The following HS2ST1 variants were observed in gnomAD, a reference collection of about 807,000 sequenced individuals.
HS2ST1 encodes the protein 2-O-sulfotransferase.
HS2ST1 carries 18 observed loss-of-function variants against 42.9 expected under a neutral mutation model. The ratio of observed to expected loss-of-function variants is 0.42; its 90% confidence interval spans 0.29 to 0.62. The LOEUF (loss-of-function observed/expected upper bound fraction) is 0.62, where lower values mean the gene tolerates loss of function less well. HS2ST1 is among the 20% of genes least tolerant of loss of function. The pLI, the probability that HS2ST1 is intolerant of heterozygous loss-of-function variation, is 0.21. For missense variants in HS2ST1, 334 were observed against 433.8 expected (o/e 0.77, Z 2.04); for synonymous variants, 146 against 152.9 (o/e 0.95, Z 0.33).
chr1:86,964,909 C>T (rs1272662073), intron 1 of HS2ST1, among the ~76,000 whole-genome samples: 1 of 151,888 alleles, frequency 6.6e-6, no homozygotes, highest in Admixed American at 6.6e-5. Flanking sequence ...TGATGATGTC[C>T]CGTGTGCTTA....
At chr1:86,933,009 T>A (rs1660574636) in intron 1 of HS2ST1, among the ~76,000 whole-genome samples, 1 of 152,184 alleles carries the variant, frequency 6.6e-6, no homozygotes, top group Non-Finnish European at 1.5e-5. Flanking sequence ...AAATTATAAT[T>A]AAAATTTTTA....
chr1:86,933,590 T>G (rs1660585542), intron 1 of HS2ST1, among the ~76,000 whole-genome samples: 1 of 152,202 alleles, frequency 6.6e-6, no homozygotes, highest in Non-Finnish European at 1.5e-5. Flanking sequence ...AGCACATTAA[T>G]TATAGTTACT....
chr1:87,041,208 C>G (rs1051739665), intron 1 of HS2ST1, among the ~76,000 whole-genome samples: 1 of 110,230 alleles, frequency 9.1e-6, no homozygotes, highest in Non-Finnish European at 1.8e-5. Flanking sequence ...GGAAAAATAG[C>G]GAGACCTTGT....
chr1:87,094,111 GCTTT>G (rs1437208560), intron 4 of HS2ST1, among the ~76,000 whole-genome samples: 1 of 151,764 alleles, frequency 6.6e-6, no homozygotes, highest in Non-Finnish European at 1.5e-5. Flanking sequence ...TCACTTGTGC[GCTTT>G]CTTTTTATTT....
chr1:86,932,899 T>C (rs1407541580), intron 1 of HS2ST1, among the ~76,000 whole-genome samples: 1 of 152,210 alleles, frequency 6.6e-6, no homozygotes, highest in African/African-American at 2.4e-5. Flanking sequence ...GAGGAAGTTA[T>C]ACATTAGAAA....
At chr1:86,998,298 A>C (rs1326115672) in intron 1 of HS2ST1, among the ~76,000 whole-genome samples, 1 of 152,258 alleles carries the variant, frequency 6.6e-6, no homozygotes, top group Non-Finnish European at 1.5e-5. Flanking sequence ...ATCCACAGGA[A>C]CATACAGCAT....
intron 1 of HS2ST1, among the ~76,000 whole-genome samples, chr1:86,978,122 C>T (rs1648474520): frequency 1.3e-5 from 2 of 152,232 alleles, no homozygotes; most frequent in South Asian, 4.1e-4. Context: ...AGGTTTGTAG[C>T]CTATAAGCAA....
chr1:87,099,372 G>C (rs1652146470), intron 5 of HS2ST1, among the ~76,000 whole-genome samples: 1 of 152,188 alleles, frequency 6.6e-6, no homozygotes, highest in African/African-American at 2.4e-5. Context: ...CATATCACAT[G>C]GTGGGAGCAA....
chr1:87,004,489 A>G, intron 1 of HS2ST1, among the ~76,000 whole-genome samples: 1 of 152,176 alleles, frequency 6.6e-6, no homozygotes, highest in East Asian at 1.9e-4. Context: ...TACCCTTTTG[A>G]CATATATATT....
At chr1:86,947,584 CT>C (rs370209111) in intron 1 of HS2ST1, among the ~76,000 whole-genome samples, 7,319 of 139,040 alleles carry the variant, frequency 0.053, 168 homozygotes, top group Middle Eastern at 0.089. Context: ...GTCCCTTCTC[CT>C]TTTTTTTTTT....
rs1488460352 is a variant in HS2ST1, at chr1:87,104,454, C to T, written c.845-16C>T. ...AGAATTATTTACCTTTCCTTTTTTT[C>T]CCCCTTTGTAAGTAGGAAAGAAATC... On this transcript the variant is annotated splice_polypyrimidine_tract_variant and intron_variant, in intron 6 of 6. Coordinates refer to ENST00000370550, the MANE Select transcript of HS2ST1 (RefSeq NM_012262.4). 6.7e-7 allele frequency: 1 copy of T among 1,498,834 alleles called. No individual in the cohort carries two copies. Among genetic ancestry groups the T allele is most frequent in the Admixed American group, 1.9e-5 (1 of 53,846 alleles). The allele number at this position is 1,498,834 out of a possible 1,614,324, so 92.8% of individuals were successfully genotyped here. A position where few individuals can be genotyped will look rare whatever the true frequency, so the allele number is the denominator to read the frequency against.
chr1:86,954,399 A>G (rs1375134282), intron 1 of HS2ST1, among the ~76,000 whole-genome samples: 1 of 152,212 alleles, frequency 6.6e-6, no homozygotes, highest in Non-Finnish European at 1.5e-5. Flanking sequence ...GTGCAATAAA[A>G]TCTGTCTGTA....
At chr1:87,073,240 G>T in intron 2 of HS2ST1, 68 bp downstream of exon 2, 1 of 1,091,918 alleles carries the variant, frequency 9.2e-7, no homozygotes, top group Non-Finnish European at 1.4e-6. Flanking sequence ...CTAGCTCAAG[G>T]GGATAAAGTA....
Position 87,068,684 on chromosome 1 carries a change from TA to T in HS2ST1, c.125-4249del, listed in dbSNP as rs1356552602. ...CCTTTAAACTTAACTATTAATAGCT[TA>T]CTGTTGGCCAGAAGCCTGGCCAATC... On this transcript the variant is annotated intron_variant, in intron 1 of 6. Coordinates refer to ENST00000370550, the MANE Select transcript of HS2ST1 (RefSeq NM_012262.4). Among the ~76,000 whole-genome samples, 3 of 152,134 alleles carry T rather than the reference TA, an allele frequency of 2.0e-5. No individual in the cohort carries two copies. The East Asian group carries it at 5.8e-4, about 29-fold the overall frequency.
chr1:86,964,658 A>G (rs1026568504), intron 1 of HS2ST1, among the ~76,000 whole-genome samples: 6 of 152,198 alleles, frequency 3.9e-5, no homozygotes, highest in African/African-American at 1.2e-4. Flanking sequence ...GGAGAGGGAG[A>G]GGGAGAGCTG....
At chr1:87,024,695 A>G (rs953583186) in intron 1 of HS2ST1, among the ~76,000 whole-genome samples, 3 of 152,198 alleles carry the variant, frequency 2.0e-5, no homozygotes, top group Non-Finnish European at 2.9e-5. Context: ...ACCCTACTTC[A>G]TGTTATGTTA....
At chr1:87,054,970 C>T (rs1201103449) in intron 1 of HS2ST1, among the ~76,000 whole-genome samples, 1 of 152,140 alleles carries the variant, frequency 6.6e-6, no homozygotes, top group Non-Finnish European at 1.5e-5. Context: ...TATTACAAAG[C>T]CCTTCTTTGA....
chr1:87,016,912 A>T (rs1324303978), intron 1 of HS2ST1, among the ~76,000 whole-genome samples: 1 of 151,446 alleles, frequency 6.6e-6, no homozygotes, highest in Admixed American at 6.6e-5. Context: ...AATTTTTATG[A>T]CATTTTAAAA....
chr1:87,088,771 TTGA>T (rs1651871315), intron 3 of HS2ST1, among the ~76,000 whole-genome samples: 1 of 87,406 alleles, frequency 1.1e-5, no homozygotes, highest in Non-Finnish European at 2.3e-5. Flanking sequence ...AGGTGCACAG[TTGA>T]TGAATGCCCC....
Sources: gnomAD v4.1 joint callset for allele counts (sites outside exome capture counted in the v4.1 genomes callset) on GRCh38, gnomAD v4.1.1 for gene constraint, MANE v1.5 for transcripts, NCBI Gene and HGNC (gene_info 2026-07-23, HGNC 2026-07-21) for gene names.